Variants in MDFIC2 observed in about 807,000 individuals in gnomAD.
The protein encoded by MDFIC2 is MyoD family inhibitor domain containing 2.
chr3:70,195,314 G>T lies in MDFIC2; in HGVS notation c.*1612C>A, dbSNP rs972448645. Among the ~76,000 whole-genome samples the T allele has an allele frequency of 6.6e-6, 1 of 152,014 alleles. No homozygotes were observed. The highest frequency in any genetic ancestry group is 2.4e-5 in the African/African-American group (1 of 41,366). Reference sequence around the variant, plus strand: ...GAAAGACTTTTTCATGGAAGGTGTGGGGCACTTTCATGCTCCGTGGTTTGT... The same window carrying T: ...GAAAGACTTTTTCATGGAAGGTGTGTGGCACTTTCATGCTCCGTGGTTTGT... On this transcript the variant is annotated 3_prime_UTR_variant, in exon 4 of 4. Transcript: ENST00000567252.
intron 2 of MDFIC2, among the ~76,000 whole-genome samples, chr3:70,291,435 A>C (rs527626930): frequency 6.6e-6 from 1 of 152,320 alleles, no homozygotes; most frequent in South Asian, 2.1e-4. Context: ...TAGAGCTATT[A>C]GCTACCTTCT....
Position 70,207,564 on chromosome 3 carries a change from G to A in MDFIC2, c.89-774C>T, listed in dbSNP as rs145882844. ...ACATCTCCTATACAGTTGGCCCTCC[G>A]TATCTGTGGGTTTCACATCCCCAAT... On this transcript the variant is annotated intron_variant, in intron 2 of 3. Transcript: ENST00000567252. Among the ~76,000 whole-genome samples the A allele has an allele frequency of 3.4e-4, 51 of 152,044 alleles. 2 individuals carry two copies. Among genetic ancestry groups the A allele is most frequent in the African/African-American group, 9.6e-4 (40 of 41,506 alleles).
At chr3:70,297,585 G>T (rs963247334) in intron 2 of MDFIC2, among the ~76,000 whole-genome samples, 2 of 151,916 alleles carry the variant, frequency 1.3e-5, no homozygotes, top group Non-Finnish European at 2.9e-5. Flanking sequence ...TTGTGTTATC[G>T]GAATTCTTTG....
chr3:70,259,200 C>A (rs1013432983), intron 2 of MDFIC2, among the ~76,000 whole-genome samples: 9 of 152,078 alleles, frequency 5.9e-5, no homozygotes, highest in Admixed American at 2.0e-4. Context: ...AGCCATTTCC[C>A]AGAACACATT....
intron 2 of MDFIC2, among the ~76,000 whole-genome samples, chr3:70,227,018 C>T (rs1016839237): frequency 1.3e-5 from 2 of 152,090 alleles, no homozygotes; most frequent in Non-Finnish European, 2.9e-5. Flanking sequence ...CGAAAAAATA[C>T]ATGCATCTTT....
At chr3:70,226,211 G>A (rs1239650682) in intron 2 of MDFIC2, among the ~76,000 whole-genome samples, 1 of 152,132 alleles carries the variant, frequency 6.6e-6, no homozygotes, top group African/African-American at 2.4e-5. Flanking sequence ...AAAGTGCCAG[G>A]CAATATACTA....
intron 2 of MDFIC2, among the ~76,000 whole-genome samples, chr3:70,208,963 T>A (rs1260240886): frequency 6.6e-6 from 1 of 152,084 alleles, no homozygotes; most frequent in Non-Finnish European, 1.5e-5. Flanking sequence ...AAGCAATTAA[T>A]GTAGTATTGA....
chr3:70,307,790 G>A (rs1702416305), intron 2 of MDFIC2, among the ~76,000 whole-genome samples: 1 of 152,110 alleles, frequency 6.6e-6, no homozygotes. Flanking sequence ...TGACAACACA[G>A]AACCAATGTC....
chr3:70,245,685 A>G, intron 2 of MDFIC2, among the ~76,000 whole-genome samples: 1 of 130,002 alleles, frequency 7.7e-6, no homozygotes, highest in East Asian at 2.3e-4. Context: ...ATATATATAT[A>G]TATATATATA....
intron 2 of MDFIC2, among the ~76,000 whole-genome samples, chr3:70,282,478 C>T (rs2106683122): frequency 6.6e-6 from 1 of 152,344 alleles, no homozygotes; most frequent in African/African-American, 2.4e-5. Context: ...GCAAGGCCTG[C>T]TATGATTGGG....
intron 2 of MDFIC2, among the ~76,000 whole-genome samples, chr3:70,264,418 T>C (rs1701896905): frequency 6.6e-6 from 1 of 152,230 alleles, no homozygotes; most frequent in Non-Finnish European, 1.5e-5. Flanking sequence ...ATCCAATGAC[T>C]GTCTAAGAAC....
chr3:70,206,457 G>A (rs1460236914), intron 3 of MDFIC2, 112 bp downstream of exon 3: 14 of 394,898 alleles, frequency 3.5e-5, no homozygotes, highest in Middle Eastern at 6.4e-4. Flanking sequence ...CGAAGTCTTC[G>A]TGTTTAATAT....
At chr3:70,281,810 A>T (rs1176978031) in intron 2 of MDFIC2, among the ~76,000 whole-genome samples, 1 of 152,180 alleles carries the variant, frequency 6.6e-6, no homozygotes, top group Non-Finnish European at 1.5e-5. Context: ...CATATGAATC[A>T]TAAGTGCACC....
chr3:70,219,742 A>G (rs1251490606), intron 2 of MDFIC2, among the ~76,000 whole-genome samples: 1 of 152,180 alleles, frequency 6.6e-6, no homozygotes, highest in Non-Finnish European at 1.5e-5. Context: ...TTAGTAACAC[A>G]GAGATTAAGA....
intron 2 of MDFIC2, among the ~76,000 whole-genome samples, chr3:70,297,524 G>A (rs1702301980): frequency 6.6e-6 from 1 of 152,056 alleles, no homozygotes; most frequent in Non-Finnish European, 1.5e-5. Context: ...ACAGAAATAT[G>A]AAGGCTTATT....
At chr3:70,303,445 C>T (rs1472759882) in intron 2 of MDFIC2, among the ~76,000 whole-genome samples, 7 of 152,046 alleles carry the variant, frequency 4.6e-5, no homozygotes, top group South Asian at 2.1e-4. Context: ...CCAGAAGTGG[C>T]GATCTGAATG....
At position 70,252,293 on chromosome 3, in the gene MDFIC2, A is replaced by AT. The variant is rs1473923981; in HGVS notation, c.89-45504dup. 3.3e-5 allele frequency among the ~76,000 whole-genome samples: 5 copies of AT among 152,106 alleles called. No individual in the cohort carries two copies. In the East Asian group the frequency reaches 9.7e-4, roughly 29 times the overall value. On this transcript the variant is annotated intron_variant, in intron 2 of 3. Coordinates refer to ENST00000567252, the MANE Select transcript of MDFIC2 (RefSeq NM_001364677.1). ...TAAAGTATATGTATCGTATGCTGTG[A>AT]TTTTCCATTGGTGTATGGTGTGGCG...
chr3:70,230,495 G>T (rs1308914420), intron 2 of MDFIC2, among the ~76,000 whole-genome samples: 1 of 46,426 alleles, frequency 2.2e-5, no homozygotes, highest in Non-Finnish European at 7.0e-5. Flanking sequence ...AATTCGAGAT[G>T]AATCATATAT....
chr3:70,216,508 C>G (rs868059210), intron 2 of MDFIC2, among the ~76,000 whole-genome samples: 1 of 151,960 alleles, frequency 6.6e-6, no homozygotes, highest in Non-Finnish European at 1.5e-5. Context: ...AGTCACATAA[C>G]TAGTAAGTGA....
Sources: allele counts gnomAD v4.1 joint callset (sites outside exome capture counted in the v4.1 genomes callset), GRCh38; gene constraint gnomAD v4.1.1; transcripts MANE v1.5; gene names NCBI Gene and HGNC (gene_info 2026-07-23, HGNC 2026-07-21).